Variants in CCDC15 observed in about 807,000 individuals in gnomAD.
CCDC15 encodes the protein coiled-coil domain-containing protein 15.
Under a neutral mutation model 114.5 loss-of-function variants are expected in CCDC15, and 105 were observed. The ratio of observed to expected loss-of-function variants is 0.92; its 90% CI spans 0.78 to 1.08. The LOEUF (loss-of-function observed/expected upper bound fraction) is 1.08, where lower values mean the gene tolerates loss of function less well. Among genes scored for constraint, CCDC15 ranks in the 50% least tolerant of loss-of-function variants. The pLI is 0.00. For synonymous variants in CCDC15, 334 were observed against 377.8 expected (o/e 0.88, Z 1.34); for missense variants, 1,105 against 1,093.6 (o/e 1.01, Z -0.15).
Position 125,038,321 on chromosome 11 carries a change from T to C in CCDC15, c.2412-110T>C, listed in dbSNP as rs758254575. ...GGATATTCTTGGGATATTAAACTGA[T>C]TTCCTGACTCCTTAGTTTCTGGGAA... On this transcript the variant is annotated intron_variant, in intron 13 of 15. Coordinates refer to ENST00000344762, the MANE Select transcript of CCDC15 (RefSeq NM_025004.3). 2.3e-4 allele frequency: 164 copies of C among 713,408 alleles called. 1 individual carries two copies. The highest frequency in any genetic ancestry group is 2.5e-4 in the Non-Finnish European group (117 of 467,594). 44.2% of individuals were successfully genotyped at this position (713,408 alleles called of 1,614,324 possible). A position where few individuals can be genotyped will look rare whatever the true frequency, so the allele number is the denominator to read the frequency against.
chr11:124,977,412 A>C (rs1947991379), intron 5 of CCDC15, 66 bp from the exon 6 acceptor site: 1 of 1,392,502 alleles, frequency 7.2e-7, no homozygotes, highest in African/African-American at 1.5e-5. Context: ...ACAGAAACTC[A>C]ACTTAGTCTC....
intron 6 of CCDC15, 32 bp from the exon 7 acceptor site, chr11:124,986,710 C>A: frequency 1.4e-6 from 2 of 1,423,462 alleles, no homozygotes; most frequent in Non-Finnish European, 1.9e-6. Context: ...TGCGCGCGCG[C>A]GCGTGCGCGT....
At chr11:124,984,457 G>A (rs537904367) in intron 6 of CCDC15, among the ~76,000 whole-genome samples, 39 of 152,246 alleles carry the variant, frequency 2.6e-4, no homozygotes, top group African/African-American at 9.1e-4. Flanking sequence ...GGGCAAGATC[G>A]CCCTGCACTG....
rs1427354286 is a variant in CCDC15 at position 125,003,958 on chromosome 11, A to G, written c.2306A>G (p.Glu769Gly). The G allele has an allele frequency of 6.7e-7, 1 of 1,483,838 alleles. No homozygotes were observed. The highest frequency in any genetic ancestry group is 1.4e-5 in the South Asian group (1 of 71,414). 91.9% of individuals were successfully genotyped at this position (1,483,838 alleles called of 1,614,324 possible). The change falls in exon 12 of 16, where the codon GAG becomes GGG. Residue 769 changes from glutamate to glycine, a missense_variant and splice_region_variant. Transcript: ENST00000344762. ...SDVDKEEDKK[E>G]RQKQYLRHRR... ...GTGGATAAAGAAGAAGATAAGAAAG[A>G]GGTATGTAATGATACTGCTTTTGGA...
chr11:125,002,035 C>G (rs759234936), intron 11 of CCDC15, among the ~76,000 whole-genome samples: 1 of 152,144 alleles, frequency 6.6e-6, no homozygotes, highest in Non-Finnish European at 1.5e-5. Flanking sequence ...TATATGAGGA[C>G]TCAAATTTCT....
chr11:125,029,504 A>G (rs1948724685), intron 13 of CCDC15, among the ~76,000 whole-genome samples: 1 of 152,250 alleles, frequency 6.6e-6, no homozygotes, highest in Non-Finnish European at 1.5e-5. Flanking sequence ...CTTATGTTAC[A>G]TGATAAAGGA....
At chr11:124,991,765 C>A (rs1948273151) in intron 9 of CCDC15, among the ~76,000 whole-genome samples, 182 bp downstream of exon 9, 2 of 152,170 alleles carry the variant, frequency 1.3e-5, no homozygotes, top group South Asian at 4.1e-4. Context: ...CTCATTGCAA[C>A]CTCTGCCTCC....
At chr11:125,000,659 T>C (rs558349638) in intron 11 of CCDC15, among the ~76,000 whole-genome samples, 3 of 152,320 alleles carry the variant, frequency 2.0e-5, no homozygotes, top group African/African-American at 7.2e-5. Context: ...CCACAAATTT[T>C]AGAGATATTT....
At chr11:125,028,841 T>C (rs916460538) in intron 13 of CCDC15, among the ~76,000 whole-genome samples, 10 of 152,142 alleles carry the variant, frequency 6.6e-5, no homozygotes, top group South Asian at 4.2e-4. Context: ...ATTCTATGAA[T>C]TTGACTACTG....
chr11:124,988,941 A>T (rs1019689473), intron 8 of CCDC15, among the ~76,000 whole-genome samples: 1 of 152,176 alleles, frequency 6.6e-6, no homozygotes, highest in Non-Finnish European at 1.5e-5. Context: ...CTCAAAGTCC[A>T]TGAGGGTTCG....
chr11:124,978,361 C>A (rs1351085148), intron 6 of CCDC15, among the ~76,000 whole-genome samples: 1 of 152,146 alleles, frequency 6.6e-6, no homozygotes, highest in Non-Finnish European at 1.5e-5. Flanking sequence ...AATTTATATT[C>A]CTCTGGGTAT....
In CCDC15 at chr11:124,980,124, T is replaced by G. The variant is rs114572010; in HGVS notation, c.753+2524T>G. Among the ~76,000 whole-genome samples, 1,335 of 151,978 alleles carry G rather than the reference T, an allele frequency of 8.8e-3. 27 individuals are homozygous for G. The highest frequency in any genetic ancestry group is 0.031 in the African/African-American group (1,273 of 41,518). The stretch of plus-strand genomic sequence containing the variant: ...CCAACCTTGCATCCCAGGGATAGCT[T>G]TATTATGGTGGATTAGCTTTTTGAT... On this transcript the variant is annotated intron_variant, in intron 6 of 15. Transcript: ENST00000344762.
chr11:125,001,071 T>C (rs1948472549), intron 11 of CCDC15, among the ~76,000 whole-genome samples: 1 of 152,262 alleles, frequency 6.6e-6, no homozygotes, highest in African/African-American at 2.4e-5. Flanking sequence ...CACTGCCTTT[T>C]TGTGCTTAGT....
At chr11:124,962,085 T>G (rs1947672389) in intron 4 of CCDC15, among the ~76,000 whole-genome samples, 2 of 152,194 alleles carry the variant, frequency 1.3e-5, no homozygotes, top group Non-Finnish European at 2.9e-5. Flanking sequence ...GCTCAGTGAC[T>G]TAACTATTTT....
chr11:124,995,088 G>A (rs924703511), intron 11 of CCDC15, among the ~76,000 whole-genome samples: 4 of 152,144 alleles, frequency 2.6e-5, no homozygotes, highest in African/African-American at 9.7e-5. Flanking sequence ...CTGTGTTTTA[G>A]TCTACATTGT....
intron 2 of CCDC15, among the ~76,000 whole-genome samples, chr11:124,956,827 T>C (rs1947560880): frequency 6.6e-6 from 1 of 152,228 alleles, no homozygotes; most frequent in South Asian, 2.1e-4. Flanking sequence ...TATTAACGGA[T>C]ATAGCTCTGT....
Position 124,991,492 on chromosome 11 carries a change from T to A in CCDC15, c.1940T>A (p.Met647Lys). 1 of 1,599,916 alleles carries A rather than the reference T, an allele frequency of 6.3e-7. No homozygotes were observed. Among genetic ancestry groups the A allele is most frequent in the Non-Finnish European group, 8.6e-7 (1 of 1,168,074 alleles). Residue 647 changes from methionine to lysine, a missense_variant, in exon 9 of 16, where the codon ATG (methionine) becomes AAG (lysine). Coordinates refer to ENST00000344762, the MANE Select transcript of CCDC15 (RefSeq NM_025004.3). ...KVHFKEPYSD[M>K]TDEKGREDFS... ...CACTTTAAGGAGCCATACTCTGATATGACAGATGAGAAAGGGAGAGAAGAC... is the reference window on the plus strand; with the variant it reads ...CACTTTAAGGAGCCATACTCTGATAAGACAGATGAGAAAGGGAGAGAAGAC...
At chr11:124,979,752 AT>A (rs984045715) in intron 6 of CCDC15, among the ~76,000 whole-genome samples, 1 of 151,664 alleles carries the variant, frequency 6.6e-6, no homozygotes, top group Non-Finnish European at 1.5e-5. Context: ...CTTGGATGTC[AT>A]TTTTTTTCTT....
intron 13 of CCDC15, among the ~76,000 whole-genome samples, chr11:125,016,800 A>G (rs914797541): frequency 1.3e-5 from 2 of 152,208 alleles, no homozygotes; most frequent in African/African-American, 2.4e-5. Context: ...TGGCATAGTC[A>G]GTGGGAAACT....
Sources: allele counts gnomAD v4.1 joint callset (sites outside exome capture counted in the v4.1 genomes callset), GRCh38; gene constraint gnomAD v4.1.1; transcripts MANE v1.5; gene names NCBI Gene and HGNC (gene_info 2026-07-23, HGNC 2026-07-21).